Variants in PTPN13 observed in about 807,000 individuals in gnomAD.
PTPN13 encodes the protein protein tyrosine phosphatase non-receptor type 13, also known as tyrosine-protein phosphatase non-receptor type 13.
PTPN13 carries 191 observed loss-of-function variants against 284.0 expected under a neutral mutation model. The observed-to-expected ratio is 0.67, with a 90% CI of 0.60 to 0.76. PTPN13 has a LOEUF of 0.76. Among genes scored for constraint, PTPN13 ranks in the 30% least tolerant of loss-of-function variants. PTPN13 has a pLI of 0.00. For missense variants in PTPN13, 2,797 were observed against 2,939.9 expected (o/e 0.95, Z 1.12); for synonymous variants, 986 against 1,022.3 (o/e 0.96, Z 0.68).
chr4:86,754,119 T>C (rs1737715693), intron 20 of PTPN13, among the ~76,000 whole-genome samples: 1 of 152,078 alleles, frequency 6.6e-6, no homozygotes, highest in Non-Finnish European at 1.5e-5. Context: ...AAATTGCTTT[T>C]AAAAGTAAAA....
At chr4:86,642,901 T>C (rs114106634) in intron 2 of PTPN13, among the ~76,000 whole-genome samples, 1,761 of 152,342 alleles carry the variant, frequency 0.012, 11 homozygotes, top group Non-Finnish European at 0.013. Context: ...TCCTGCTCTT[T>C]ATGAATAATC....
intron 41 of PTPN13, among the ~76,000 whole-genome samples, chr4:86,797,590 C>T (rs1743495894): frequency 6.6e-6 from 1 of 151,846 alleles, no homozygotes; most frequent in Non-Finnish European, 1.5e-5. Flanking sequence ...TTCAAGAAAG[C>T]AATATTCTCT....
At position 86,734,887 on chromosome 4, in the gene PTPN13, G is replaced by T; in HGVS notation, c.2151+12G>T. On this transcript the variant is annotated intron_variant, in intron 14 of 47. Transcript: ENST00000411767. ...ATTATCAACCAGAGGTAGGATTTGT[G>T]TTTTTTTCCAGGACCATTTTTGTTT... 1.2e-6 allele frequency: 2 copies of T among 1,605,326 alleles called. No individual in the cohort carries two copies. The highest frequency in any genetic ancestry group is 1.7e-6 in the Non-Finnish European group (2 of 1,173,730).
intron 19 of PTPN13, among the ~76,000 whole-genome samples, chr4:86,751,898 A>G (rs1293748020): frequency 6.6e-6 from 1 of 151,764 alleles, no homozygotes; most frequent in Non-Finnish European, 1.5e-5. Flanking sequence ...ATAGCAGGGC[A>G]TATTATTTAA....
At chr4:86,794,227 G>A (rs943659138) in intron 40 of PTPN13, among the ~76,000 whole-genome samples, 7 of 152,052 alleles carry the variant, frequency 4.6e-5, no homozygotes, top group Non-Finnish European at 8.8e-5. Context: ...AAATCAATGT[G>A]CAAAAATCGC....
At chr4:86,761,969 T>A (rs537983736) in intron 23 of PTPN13, among the ~76,000 whole-genome samples, 12 of 152,316 alleles carry the variant, frequency 7.9e-5, no homozygotes, top group African/African-American at 2.9e-4. Flanking sequence ...CTTTTTCAAG[T>A]GGCGTTTTGT....
rs566062281 is a variant in PTPN13 at position 86,798,349 on chromosome 4, T to G, written c.6402-752T>G. ...CAGTGAGTTAGAACAGGGGGAAACATCTGTCATAAAAGCAGCGTAATTGCT... is the reference window on the plus strand; with the variant it reads ...CAGTGAGTTAGAACAGGGGGAAACAGCTGTCATAAAAGCAGCGTAATTGCT... On this transcript the variant is annotated intron_variant, in intron 41 of 47. Coordinates refer to ENST00000411767, the MANE Select transcript of PTPN13 (RefSeq NM_080683.3). 4.6e-5 allele frequency among the ~76,000 whole-genome samples: 7 copies of G among 152,318 alleles called. No homozygotes were observed. In the South Asian group the frequency reaches 1.5e-3, roughly 32 times the overall value.
Position 86,775,161 on chromosome 4 carries a change from G to GTT in PTPN13, c.5509-6_5509-5dup, listed in dbSNP as rs776388421. The GTT allele has an allele frequency of 6.4e-7, 1 of 1,566,742 alleles. No individual in the cohort carries two copies. The highest frequency in any genetic ancestry group is 1.4e-5 in the African/African-American group (1 of 73,008). On this transcript the variant is annotated splice_polypyrimidine_tract_variant and intron_variant, in intron 33 of 47. Coordinates refer to ENST00000411767, the MANE Select transcript of PTPN13 (RefSeq NM_080683.3). ...TGTGATCTTCACATGCCCCTTTCTT[G>GTT]TTTTTGTAGGTTAATGATACAGATG...
intron 1 of PTPN13, among the ~76,000 whole-genome samples, chr4:86,628,283 GT>G (rs1173127957): frequency 6.6e-6 from 1 of 151,968 alleles, no homozygotes; most frequent in African/African-American, 2.4e-5. Flanking sequence ...TAGCTATGTA[GT>G]CATATCTCAT....
chr4:86,775,246 A>G lies in PTPN13; in HGVS notation c.5584A>G (p.Arg1862Gly), dbSNP rs746221413. Residue 1862 changes from arginine to glycine, a missense_variant, in exon 34 of 48, where the codon AGA (arginine) becomes GGA (glycine). Transcript: ENST00000411767. Reference protein sequence around the residue: ...NLLRAASKTVRLVIGRVLELP... With the variant: ...NLLRAASKTVGLVIGRVLELP... The stretch of plus-strand genomic sequence containing the variant: ...GCTCCGGGCTGCATCCAAAACAGTC[A>G]GATTAGTTATTGGACGAGTTCTAGA... 6.2e-7 allele frequency: 1 copy of G among 1,613,446 alleles called. No individual in the cohort carries two copies. The highest frequency in any genetic ancestry group is 1.7e-5 in the Admixed American group (1 of 60,018).
At chr4:86,790,512 G>A (rs561490606) in intron 40 of PTPN13, among the ~76,000 whole-genome samples, 1 of 152,274 alleles carries the variant, frequency 6.6e-6, no homozygotes, top group Admixed American at 6.5e-5. Flanking sequence ...TAAGGTCTGT[G>A]AAGTTTGTTT....
intron 1 of PTPN13, among the ~76,000 whole-genome samples, chr4:86,610,756 G>A (rs891645856): frequency 6.6e-6 from 1 of 152,184 alleles, no homozygotes; most frequent in Non-Finnish European, 1.5e-5. Flanking sequence ...ATGTCAGCAG[G>A]CCAAATAAAG....
chr4:86,695,469 T>C (rs1207888171), intron 6 of PTPN13, among the ~76,000 whole-genome samples: 1 of 152,024 alleles, frequency 6.6e-6, no homozygotes, highest in Non-Finnish European at 1.5e-5. Flanking sequence ...AATTTGTTAA[T>C]TGATCAAATT....
chr4:86,736,864 C>T (rs1309329670), intron 15 of PTPN13, among the ~76,000 whole-genome samples: 5 of 152,212 alleles, frequency 3.3e-5, no homozygotes, highest in Non-Finnish European at 1.5e-5. Context: ...CCTACTCCTT[C>T]TAATAATATA....
At chr4:86,645,979 A>G (rs543233431) in intron 2 of PTPN13, among the ~76,000 whole-genome samples, 20 of 152,338 alleles carry the variant, frequency 1.3e-4, no homozygotes, top group Non-Finnish European at 2.9e-4. Context: ...TCAATTGAAC[A>G]TAACAGCATC....
rs1311526115 is a variant in PTPN13, at chr4:86,765,832, TG to T, written c.4243+345del. The stretch of plus-strand genomic sequence containing the variant: ...CATCTACACTTGTTTTTTTTGTTGT[TG>T]TTTTTTTTTTTCGAGACAGAGTCTC... On this transcript the variant is annotated intron_variant, in intron 26 of 47. Coordinates refer to ENST00000411767, the MANE Select transcript of PTPN13 (RefSeq NM_080683.3). 3.1e-4 allele frequency among the ~76,000 whole-genome samples: 47 copies of T among 151,796 alleles called. 1 individual carries two copies. In the South Asian group the frequency reaches 6.4e-3, roughly 21 times the overall value.
intron 17 of PTPN13, among the ~76,000 whole-genome samples, chr4:86,746,481 C>T (rs553481213): frequency 5.6e-4 from 85 of 151,992 alleles, no homozygotes; most frequent in Non-Finnish European, 1.0e-3. Context: ...AGATGTTTCT[C>T]AACCTTTCAG....
chr4:86,638,349 A>C (rs1264712032), intron 2 of PTPN13, among the ~76,000 whole-genome samples: 1 of 152,204 alleles, frequency 6.6e-6, no homozygotes, highest in Non-Finnish European at 1.5e-5. Flanking sequence ...ATATGGAACC[A>C]AAAAAGAGCC....
At chr4:86,696,915 C>T (rs943439101) in intron 6 of PTPN13, among the ~76,000 whole-genome samples, 5 of 151,886 alleles carry the variant, frequency 3.3e-5, no homozygotes, top group East Asian at 3.9e-4. Flanking sequence ...ACCTTCTTAA[C>T]CATCAGTGCT....
Sources: allele counts gnomAD v4.1 joint callset (sites outside exome capture counted in the v4.1 genomes callset), GRCh38; gene constraint gnomAD v4.1.1; transcripts MANE v1.5; gene names NCBI Gene and HGNC (gene_info 2026-07-23, HGNC 2026-07-21).